MYT1: variants seen among roughly 807,000 people sequenced by gnomAD.
MYT1 encodes the protein myelin transcription factor 1.
MYT1 carries 23 observed loss-of-function variants against 123.0 expected under a neutral mutation model. The ratio of observed to expected loss-of-function variants is 0.19; its 90% CI spans 0.13 to 0.26. The LOEUF (loss-of-function observed/expected upper bound fraction) is 0.26. MYT1 is among the 10% of genes least tolerant of loss of function. The pLI is 1.00. For synonymous variants in MYT1, 518 were observed against 575.3 expected (o/e 0.90, Z 1.43); for missense variants, 1,125 against 1,472.5 (o/e 0.76, Z 3.86).
At chr20:64,181,929 G>A (rs1982663754) in intron 1 of MYT1, among the ~76,000 whole-genome samples, 1 of 152,200 alleles carries the variant, frequency 6.6e-6, no homozygotes. Context: ...TGGACCTCAG[G>A]GGTGTCCCCT....
chr20:64,195,078 TAG>T (rs1983070141), intron 2 of MYT1, among the ~76,000 whole-genome samples: 1 of 151,880 alleles, frequency 6.6e-6, no homozygotes, highest in African/African-American at 2.4e-5. Flanking sequence ...GTATTTTTAG[TAG>T]AGTCAGGTTT....
At chr20:64,194,285 C>A (rs1237827981) in intron 2 of MYT1, among the ~76,000 whole-genome samples, 1 of 152,220 alleles carries the variant, frequency 6.6e-6, no homozygotes, top group African/African-American at 2.4e-5. Flanking sequence ...CCTAAGAATG[C>A]TCCCAGCTCT....
chr20:64,180,527 G>A (rs1188881438), intron 1 of MYT1, among the ~76,000 whole-genome samples: 13 of 152,174 alleles, frequency 8.5e-5, no homozygotes, highest in African/African-American at 2.4e-4. Context: ...CCTCTGGGTC[G>A]CCACAGGACA....
chr20:64,233,785 G>A (rs1303228096), intron 19 of MYT1, among the ~76,000 whole-genome samples: 1 of 152,174 alleles, frequency 6.6e-6, no homozygotes, highest in Admixed American at 6.5e-5. Context: ...GGCCTGAGGT[G>A]TCTGGGGCAC....
intron 1 of MYT1, among the ~76,000 whole-genome samples, chr20:64,180,653 C>G (rs1982627416): frequency 6.6e-6 from 1 of 152,238 alleles, no homozygotes; most frequent in African/African-American, 2.4e-5. Flanking sequence ...GGGTGTGGGC[C>G]AGGACAATCC....
Position 64,196,915 on chromosome 20 carries a change from T to G in MYT1, c.1-1947T>G, listed in dbSNP as rs544580148. ...TAAATAAATAAATAAAGCCGTAGAT[T>G]GCATTTCAGCTGAGTGCAGGCACCG... is the stretch of plus-strand genomic sequence containing the variant. On this transcript the variant is annotated intron_variant, in intron 2 of 22. Coordinates refer to ENST00000328439, the MANE Select transcript of MYT1 (RefSeq NM_004535.3). The surrounding 1 kb of genome is among the most constrained non-coding windows in gnomAD (Gnocchi z 4.3). Among the ~76,000 whole-genome samples the G allele has an allele frequency of 6.6e-6, 1 of 152,366 alleles. No homozygotes were observed. The highest frequency in any genetic ancestry group is 2.1e-4 in the South Asian group (1 of 4,828).
At chr20:64,236,519 C>T in intron 19 of MYT1, 36 bp from the exon 20 acceptor site, 1 of 1,576,782 alleles carries the variant, frequency 6.3e-7, no homozygotes, top group Non-Finnish European at 8.7e-7. Context: ...GTGGGTGACC[C>T]TGGGCTGGTG....
rs776512075 is a variant in MYT1, at chr20:64,211,356, C to G, written c.1426+16C>G. The G allele has an allele frequency of 2.5e-6, 4 of 1,604,684 alleles. No homozygotes were observed. The highest frequency in any genetic ancestry group is 3.4e-6 in the Non-Finnish European group (4 of 1,173,508). On this transcript the variant is annotated intron_variant, in intron 8 of 22. Transcript: ENST00000328439. ...CCCCCAGAGAGTGAGTAGCTCTGTG[C>G]AGCGTTAGCCCTAACTGTGAAGCTC...
chr20:64,235,686 G>A, intron 19 of MYT1, among the ~76,000 whole-genome samples: 1 of 145,512 alleles, frequency 6.9e-6, no homozygotes, highest in Non-Finnish European at 1.5e-5. Context: ...ACACTGGGCT[G>A]GTGGTGGTGG....
chr20:64,184,838 G>A (rs1447314018), intron 1 of MYT1, among the ~76,000 whole-genome samples: 1 of 152,220 alleles, frequency 6.6e-6, no homozygotes, highest in Non-Finnish European at 1.5e-5. Context: ...ATTGTGGGCA[G>A]CGAGGAAGCA....
At chr20:64,195,506 C>T (rs981526385) in intron 2 of MYT1, among the ~76,000 whole-genome samples, 23 of 151,358 alleles carry the variant, frequency 1.5e-4, no homozygotes, top group African/African-American at 5.6e-4. Flanking sequence ...AGTGATCCTC[C>T]TGCCTCAGCC....
rs767969496 is a variant in MYT1 at position 64,208,097 on chromosome 20, G to A, written c.901G>A (p.Glu301Lys). The A allele has an allele frequency of 5.6e-6, 9 of 1,609,720 alleles. No homozygotes were observed. Among genetic ancestry groups the A allele is most frequent in the Non-Finnish European group, 7.6e-6 (9 of 1,178,232 alleles). Residue 301 changes from glutamate to lysine, a missense_variant, in exon 7 of 23, where the codon GAA (glutamate) becomes AAA (lysine). This residue lies in a region of MYT1 where 406 missense variants were observed against 432.2 expected (regional missense o/e 0.94). Coordinates refer to ENST00000328439, the MANE Select transcript of MYT1 (RefSeq NM_004535.3). The surrounding 1 kb of genome is among the most constrained non-coding windows in gnomAD (Gnocchi z 5.4). ...EEEEEEEEEE[E>K]EEEEEAAPDV... ...GGAAGAGGAGGAGGAAGAGGAAGAG[G>A]AAGAGGAGGAGGAGGAGGCAGCTCC... is the stretch of plus-strand genomic sequence containing the variant.
At position 64,225,854 on chromosome 20, in the gene MYT1, GC is replaced by G. The variant is rs796066766; in HGVS notation, c.2529-1554del. On this transcript the variant is annotated intron_variant, in intron 16 of 22. Transcript: ENST00000328439. Reference sequence around the variant, plus strand: ...GGGCCTTAGTGAGGACTGCAGGATGGCCCCCCCTGTGTGTTAGGTACTGCCG... The same window carrying G: ...GGGCCTTAGTGAGGACTGCAGGATGGCCCCCCTGTGTGTTAGGTACTGCCG... 2.6e-5 allele frequency among the ~76,000 whole-genome samples: 4 copies of G among 152,072 alleles called. 1 individual carries two copies.
At chr20:64,172,052 C>G (rs1159737246) in intron 1 of MYT1, among the ~76,000 whole-genome samples, 1 of 152,236 alleles carries the variant, frequency 6.6e-6, no homozygotes, top group Non-Finnish European at 1.5e-5. Context: ...GCCCAGTCAC[C>G]CAGAGGCCAG....
chr20:64,198,560 C>G (rs1175561692), intron 2 of MYT1, among the ~76,000 whole-genome samples: 1 of 152,210 alleles, frequency 6.6e-6, no homozygotes, highest in Non-Finnish European at 1.5e-5. Context: ...GCCCATGCCT[C>G]AGCACTTGTT....
rs1263297953 is a variant in MYT1, at chr20:64,170,866, TA to T, written c.-99+6128del. 3.7e-3 allele frequency among the ~76,000 whole-genome samples: 209 copies of T among 57,134 alleles called. 15 individuals carry two copies. The highest frequency in any genetic ancestry group is 0.015 in the African/African-American group (203 of 13,172). 37.5% of individuals were successfully genotyped at this position (57,134 alleles called of 152,430 possible). On this transcript the variant is annotated intron_variant, in intron 1 of 22. Coordinates refer to ENST00000328439, the MANE Select transcript of MYT1 (RefSeq NM_004535.3). Reference sequence around the variant, plus strand: ...AATTGGTCATATATATATATATATATATATATATATATATATATAGAGAGAG... The same window carrying T: ...AATTGGTCATATATATATATATATATTATATATATATATATATAGAGAGAG...
At chr20:64,207,555 G>A (rs375432217) in intron 6 of MYT1, 39 bp from the exon 7 acceptor site, 30 of 1,586,666 alleles carry the variant, frequency 1.9e-5, no homozygotes, top group Admixed American at 1.0e-4. Flanking sequence ...GTCTTCCCAC[G>A]TGCTCTCTGG....
chr20:64,221,768 T>C (rs1209569789), intron 13 of MYT1, 125 bp from the exon 14 acceptor site: 1 of 958,520 alleles, frequency 1.0e-6, no homozygotes. Flanking sequence ...ATCCAGAAGA[T>C]AGGAGACTCC....
intron 1 of MYT1, among the ~76,000 whole-genome samples, chr20:64,178,543 C>T (rs1982539107): frequency 1.3e-5 from 2 of 151,806 alleles, no homozygotes; most frequent in African/African-American, 2.4e-5. Flanking sequence ...TACCCTTCAA[C>T]GTGGGAGCAC....
Sources: allele counts gnomAD v4.1 joint callset (sites outside exome capture counted in the v4.1 genomes callset), GRCh38; gene constraint gnomAD v4.1.1; regional missense constraint gnomAD v4.1.1; non-coding constraint Gnocchi (gnomAD v3.1); transcripts MANE v1.5; gene names NCBI Gene and HGNC (gene_info 2026-07-23, HGNC 2026-07-21).